Variants in TUBGCP3 observed in about 807,000 individuals in gnomAD.
TUBGCP3 encodes gamma-tubulin complex component 3.
TUBGCP3 carries 50 observed loss-of-function variants against 123.1 expected under a neutral mutation model. That is an observed-to-expected ratio of 0.41 (90% confidence interval 0.32 to 0.51). TUBGCP3 has a LOEUF of 0.51. TUBGCP3 is among the 20% of genes least tolerant of loss of function. The probability of loss-of-function intolerance (pLI) is 0.36; values close to 1 mark genes in which losing one functional copy is unlikely to be tolerated. For synonymous variants in TUBGCP3, 405 were observed against 413.9 expected (o/e 0.98, Z 0.26); for missense variants, 882 against 1,127.0 (o/e 0.78, Z 3.11).
chr13:112,488,728 C>T (rs1879856130), intron 21 of TUBGCP3, among the ~76,000 whole-genome samples: 1 of 141,400 alleles, frequency 7.1e-6, no homozygotes. Flanking sequence ...GCACAGGAGC[C>T]ACCCCCAGGT....
intron 11 of TUBGCP3, among the ~76,000 whole-genome samples, chr13:112,533,041 G>C (rs1426351576): frequency 1.3e-5 from 2 of 152,244 alleles, no homozygotes; most frequent in African/African-American, 4.8e-5. Flanking sequence ...CAGCTGGGCA[G>C]AGAGGCAGTG....
intron 1 of TUBGCP3, among the ~76,000 whole-genome samples, chr13:112,571,605 G>A (rs533468105): frequency 1.6e-4 from 25 of 152,252 alleles, no homozygotes; most frequent in African/African-American, 4.3e-4. Context: ...GACAAGAGTC[G>A]GCTTATTCTT....
chr13:112,547,883 A>G, intron 9 of TUBGCP3, 131 bp from the exon 10 acceptor site: 2 of 1,175,396 alleles, frequency 1.7e-6, no homozygotes, highest in East Asian at 2.6e-5. Flanking sequence ...CTTTAAAAAA[A>G]AATAGTATTT....
chr13:112,525,255 C>T (rs748774506), intron 13 of TUBGCP3, among the ~76,000 whole-genome samples: 18 of 152,292 alleles, frequency 1.2e-4, no homozygotes, highest in Non-Finnish European at 1.5e-4. Context: ...TCCTGGGCTG[C>T]GCAATAACCC....
In TUBGCP3 at chr13:112,526,525, C is replaced by T. The variant is rs540391731; in HGVS notation, c.1555+417G>A. ...ATCAACATCACCACCATCACTGCCA[C>T]CACCATGCCATCATCACCACCCATC... On this transcript the variant is annotated intron_variant, in intron 13 of 21. Transcript: ENST00000261965. Among the ~76,000 whole-genome samples the T allele has an allele frequency of 2.6e-5, 4 of 151,966 alleles. No individual in the cohort carries two copies. The East Asian group carries it at 7.8e-4, about 29-fold the overall frequency.
upstream of TUBGCP3, among the ~76,000 whole-genome samples, chr13:112,592,567 T>A (rs868798645): frequency 1.2e-4 from 18 of 152,286 alleles, no homozygotes; most frequent in Middle Eastern, 3.4e-3. This position sits in a 1 kb window ranked among gnomAD's most constrained non-coding sequence, Gnocchi z 4.1. Context: ...TTTCTGCCAT[T>A]CTATGGCCCT....
intron 11 of TUBGCP3, among the ~76,000 whole-genome samples, chr13:112,535,585 C>T (rs1385868150): frequency 1.3e-5 from 2 of 152,140 alleles, no homozygotes; most frequent in Non-Finnish European, 2.9e-5. Context: ...TTTGTATCTT[C>T]TTTGGAGAAA....
intron 4 of TUBGCP3, 49 bp downstream of exon 4, chr13:112,559,273 A>T: frequency 6.6e-7 from 1 of 1,519,138 alleles, no homozygotes; most frequent in Non-Finnish European, 9.0e-7. Flanking sequence ...TATCAAAGTC[A>T]GCCAGGGTGT....
At chr13:112,488,981 AC>A (rs1879879325) in intron 21 of TUBGCP3, among the ~76,000 whole-genome samples, 1 of 117,762 alleles carries the variant, frequency 8.5e-6, no homozygotes, top group Non-Finnish European at 1.8e-5. Flanking sequence ...CAAAGGGGTC[AC>A]CCCCAGGTCC....
intron 11 of TUBGCP3, among the ~76,000 whole-genome samples, chr13:112,539,675 C>A (rs546308454): frequency 7.2e-5 from 11 of 152,284 alleles, no homozygotes; most frequent in African/African-American, 2.4e-4. Flanking sequence ...AAATACAGAA[C>A]CTTTAAAATA....
chr13:112,601,185 TAAAAAAAA>T, the TUBGCP3 span, among the ~76,000 whole-genome samples: 3 of 86,512 alleles, frequency 3.5e-5, no homozygotes, highest in East Asian at 9.8e-4. Flanking sequence ...AGATTCTGTC[TAAAAAAAA>T]AAAAAAAAAA....
intron 1 of TUBGCP3, among the ~76,000 whole-genome samples, chr13:112,570,907 C>T (rs1881342401): frequency 6.6e-6 from 1 of 152,204 alleles, no homozygotes; most frequent in African/African-American, 2.4e-5. Flanking sequence ...TAGATTCCAC[C>T]TCAAGAAACC....
At chr13:112,587,566 A>C (rs557518387) in intron 1 of TUBGCP3, among the ~76,000 whole-genome samples, 2 of 152,326 alleles carry the variant, frequency 1.3e-5, no homozygotes, top group East Asian at 3.9e-4. Flanking sequence ...TCCCGTCCTC[A>C]CTGACGGACC....
In TUBGCP3 at chr13:112,557,024, G is replaced by A. The variant is rs181365773; in HGVS notation, c.549-800C>T. 7.2e-4 allele frequency among the ~76,000 whole-genome samples: 109 copies of A among 152,266 alleles called. No homozygotes were observed. The Middle Eastern group carries it at 0.01, about 14-fold the overall frequency. ...GGGGGTTTATCCATAATCCACTCGTGAAGTAAGGAGAACAGGAAAGAACTG... is the reference window on the plus strand; with the variant it reads ...GGGGGTTTATCCATAATCCACTCGTAAAGTAAGGAGAACAGGAAAGAACTG... On this transcript the variant is annotated intron_variant, in intron 5 of 21. Transcript: ENST00000261965.
At chr13:112,582,167 A>G (rs1882315566) in intron 1 of TUBGCP3, among the ~76,000 whole-genome samples, 1 of 152,248 alleles carries the variant, frequency 6.6e-6, no homozygotes, top group Non-Finnish European at 1.5e-5. Flanking sequence ...TAAGCTGGGA[A>G]AAAATCAAGC....
intron 3 of TUBGCP3, among the ~76,000 whole-genome samples, chr13:112,560,419 G>A (rs1840147407): frequency 6.7e-6 from 1 of 149,930 alleles, no homozygotes; most frequent in Non-Finnish European, 1.5e-5. Context: ...GACAGAGCGA[G>A]ACTCCGTCTC....
chr13:112,532,226 T>C (rs747732447), intron 11 of TUBGCP3, among the ~76,000 whole-genome samples: 2 of 152,190 alleles, frequency 1.3e-5, no homozygotes, highest in Non-Finnish European at 2.9e-5. Flanking sequence ...CAGGGTAAAC[T>C]TATAATTACA....
intron 19 of TUBGCP3, among the ~76,000 whole-genome samples, chr13:112,502,370 T>G (rs988788027): frequency 3.3e-5 from 5 of 152,094 alleles, no homozygotes; most frequent in Non-Finnish European, 1.5e-5. Flanking sequence ...GAGAGCTATT[T>G]GTTACACTGA....
chr13:112,537,156 A>AAAC (rs1878131936), intron 11 of TUBGCP3, among the ~76,000 whole-genome samples: 1 of 148,612 alleles, frequency 6.7e-6, no homozygotes. Flanking sequence ...TTTAAAAAAA[A>AAAC]AAAAAACCTT....
Sources: gnomAD v4.1 joint callset for allele counts (sites outside exome capture counted in the v4.1 genomes callset) on GRCh38, gnomAD v4.1.1 for gene constraint, Gnocchi (gnomAD v3.1) non-coding constraint, MANE v1.5 for transcripts, NCBI Gene and HGNC (gene_info 2026-07-23, HGNC 2026-07-21) for gene names.